MTPAP: variants seen among roughly 807,000 people sequenced by gnomAD.
MTPAP encodes poly(A) RNA polymerase, mitochondrial.
Under a neutral mutation model 48.7 loss-of-function variants are expected in MTPAP, and 23 were observed. The observed-to-expected ratio is 0.47, with a 90% CI of 0.34 to 0.67. The LOEUF (loss-of-function observed/expected upper bound fraction) is 0.67, where lower values mean the gene tolerates loss of function less well. MTPAP is among the 30% of genes least tolerant of loss of function. The pLI is 0.01. For synonymous variants in MTPAP, 257 were observed against 254.1 expected (o/e 1.01, Z -0.11); for missense variants, 614 against 694.3 (o/e 0.88, Z 1.30).
At chr10:30,321,175 A>G (rs1176813337) in intron 6 of MTPAP, among the ~76,000 whole-genome samples, 1 of 152,194 alleles carries the variant, frequency 6.6e-6, no homozygotes, top group Non-Finnish European at 1.5e-5. Flanking sequence ...CAAAAGTGAG[A>G]TAAGTGACCA....
chr10:30,317,610 G>C (rs1588711950), intron 6 of MTPAP, among the ~76,000 whole-genome samples: 1 of 152,024 alleles, frequency 6.6e-6, no homozygotes, highest in African/African-American at 2.4e-5. Flanking sequence ...TCTCATCAAT[G>C]GCTACTTCCT....
In MTPAP at chr10:30,326,592, G is replaced by A; in HGVS notation, c.824C>T (p.Pro275Leu). 1 of 1,613,954 alleles carries A rather than the reference G, an allele frequency of 6.2e-7. No individual in the cohort carries two copies. The highest frequency in any genetic ancestry group is 1.1e-5 in the South Asian group (1 of 91,068). Reference sequence around the variant, plus strand: ...CTTCTGAGTTGCAATTCTTTCTGAAGGAACATTTTTCACTTGAAATTCCAT... The same window carrying A: ...CTTCTGAGTTGCAATTCTTTCTGAAAGAACATTTTTCACTTGAAATTCCAT... ...FLMEFQVKNV[P>L]SERIATQKIL... Residue 275 changes from proline (P) to leucine (L), a missense_variant, in exon 5 of 9, where the codon CCT becomes CTT. Pro to Leu is a moderately conservative substitution (Grantham distance 98). Coordinates refer to ENST00000263063, the MANE Select transcript of MTPAP (RefSeq NM_018109.4).
intron 5 of MTPAP, among the ~76,000 whole-genome samples, chr10:30,325,200 AG>A (rs1834569183): frequency 6.6e-6 from 1 of 152,228 alleles, no homozygotes; most frequent in African/African-American, 2.4e-5. Context: ...TAATAATGAT[AG>A]AAAGTACAGT....
rs568094149 is a variant in MTPAP at position 30,334,330 on chromosome 10, T to A, written c.780+2473A>T. 7.2e-5 allele frequency among the ~76,000 whole-genome samples: 11 copies of A among 152,256 alleles called. No homozygotes were observed. In the East Asian group the frequency reaches 1.7e-3, roughly 24 times the overall value. On this transcript the variant is annotated intron_variant, in intron 4 of 8. Coordinates refer to ENST00000263063, the MANE Select transcript of MTPAP (RefSeq NM_018109.4). ...AACAACTGTTTGATCATTATGATATTTACAAGTGCCTTCTATTACTGGAAA... is the reference window on the plus strand; with the variant it reads ...AACAACTGTTTGATCATTATGATATATACAAGTGCCTTCTATTACTGGAAA...
intron 4 of MTPAP, 56 bp downstream of exon 4, chr10:30,336,747 C>T: frequency 7.4e-7 from 1 of 1,359,670 alleles, no homozygotes; most frequent in Middle Eastern, 2.5e-4. Context: ...AAAGATTTTT[C>T]TTTTTATACT....
At chr10:30,340,774 C>T (rs1335422738) in intron 2 of MTPAP, among the ~76,000 whole-genome samples, 1 of 151,950 alleles carries the variant, frequency 6.6e-6, no homozygotes, top group African/African-American at 2.4e-5. Flanking sequence ...CAAAAATTAG[C>T]CAGGCGTGGT....
At chr10:30,328,574 T>C (rs1029120096) in intron 4 of MTPAP, among the ~76,000 whole-genome samples, 13 of 152,232 alleles carry the variant, frequency 8.5e-5, no homozygotes, top group African/African-American at 3.1e-4. Flanking sequence ...TTCCCTCTTC[T>C]AGAATTCATT....
At chr10:30,333,933 T>A (rs968925031) in intron 4 of MTPAP, among the ~76,000 whole-genome samples, 1 of 152,068 alleles carries the variant, frequency 6.6e-6, no homozygotes, top group African/African-American at 2.4e-5. Context: ...ATTATTATAA[T>A]AAAACTGACC....
chr10:30,337,009 T>A lies in MTPAP; in HGVS notation c.574A>T (p.Thr192Ser). ...GTTAGCTGGAACTCCTTCAAGAGAG[T>A]GTTCAGCTGATCGTCTATCTAGCTA... is the stretch of plus-strand genomic sequence containing the variant. ...YAESIDDQLNTLLKEFQLTEE... is the reference protein window; with the variant it reads ...YAESIDDQLNSLLKEFQLTEE... Residue 192 changes from threonine to serine, a missense_variant, in exon 4 of 9, where the codon ACT becomes TCT. Physicochemically the swap from Thr to Ser is moderately conservative, Grantham distance 58. Around this residue, in one of 5 missense-constraint regions of MTPAP, gnomAD observed 114 missense variants for 107.9 expected, o/e 1.06. Transcript: ENST00000263063. 1 of 1,613,034 alleles carries A rather than the reference T, an allele frequency of 6.2e-7. No individual in the cohort carries two copies. The highest frequency in any genetic ancestry group is 8.5e-7 in the Non-Finnish European group (1 of 1,179,788).
chr10:30,315,933 C>A, intron 8 of MTPAP, 30 bp downstream of exon 8: 1 of 1,531,518 alleles, frequency 6.5e-7, no homozygotes, highest in East Asian at 2.3e-5. Context: ...AGACCAGATA[C>A]TAATAACTAA....
intron 3 of MTPAP, among the ~76,000 whole-genome samples, chr10:30,338,919 C>T (rs1357135340): frequency 2.6e-5 from 4 of 151,434 alleles, no homozygotes; most frequent in African/African-American, 7.3e-5. Context: ...GTCAGGAGAT[C>T]GAGACCATCC....
chr10:30,328,819 CA>C (rs1834629302), intron 4 of MTPAP, among the ~76,000 whole-genome samples: 1 of 151,934 alleles, frequency 6.6e-6, no homozygotes, highest in Admixed American at 6.6e-5. Flanking sequence ...CATATTTACA[CA>C]AGCATGAAAA....
In MTPAP at chr10:30,326,430, T is replaced by C. The variant is rs1369102837; in HGVS notation, c.986A>G (p.Asn329Ser). ...ASGFQCDLTT[N>S]NRIALTSSEL... Reference sequence around the variant, plus strand: ...TAAATGTAAGCGGTCATACCTATTGTTCGTAGTCAAATCACACTGAAATCC... The same window carrying C: ...TAAATGTAAGCGGTCATACCTATTGCTCGTAGTCAAATCACACTGAAATCC... The change falls in exon 5 of 9, where the codon AAC (asparagine) becomes AGC (serine). Residue 329 changes from asparagine (N) to serine (S), a missense_variant. Coordinates refer to ENST00000263063, the MANE Select transcript of MTPAP (RefSeq NM_018109.4). 1.9e-6 allele frequency: 3 copies of C among 1,613,248 alleles called. No individual in the cohort carries two copies. The highest frequency in any genetic ancestry group is 1.7e-5 in the Admixed American group (1 of 60,002).
chr10:30,338,855 G>A (rs1187649867), intron 3 of MTPAP, among the ~76,000 whole-genome samples: 1 of 152,106 alleles, frequency 6.6e-6, no homozygotes, highest in Non-Finnish European at 1.5e-5. Context: ...CAGGTGCAGT[G>A]GCTCACGCCT....
chr10:30,340,551 A>G, intron 2 of MTPAP, 101 bp from the exon 3 acceptor site: 1 of 880,064 alleles, frequency 1.1e-6, no homozygotes, highest in African/African-American at 1.7e-5. Context: ...GCTACAAAAT[A>G]TCAAGTCTTT....
rs568521685 is a variant in MTPAP, at chr10:30,321,253, T to C, written c.1219+1138A>G. On this transcript the variant is annotated intron_variant, in intron 6 of 8. Transcript: ENST00000263063. Reference sequence around the variant, plus strand: ...TCAAATCTAGCTTTATTTTATTTTATTTTATTTCATTTTACTTTATTTCTT... The same window carrying C: ...TCAAATCTAGCTTTATTTTATTTTACTTTATTTCATTTTACTTTATTTCTT... Among the ~76,000 whole-genome samples, 3 of 152,350 alleles carry C rather than the reference T, an allele frequency of 2.0e-5. No homozygotes were observed. In the South Asian group the frequency reaches 6.2e-4, roughly 32 times the overall value.
rs1383325747 is a variant in MTPAP, at chr10:30,311,417, T to C, written c.*2192A>G. On this transcript the variant is annotated 3_prime_UTR_variant, in exon 9 of 9. Coordinates refer to ENST00000263063, the MANE Select transcript of MTPAP (RefSeq NM_018109.4). ...GAAAAATTTTTAAAGTACTACAAAC[T>C]CTAAATCTGAATTTTGAGTAGCAAA... 2 of 152,112 alleles carry C rather than the reference T, an allele frequency of 1.3e-5. No individual in the cohort carries two copies. The highest frequency in any genetic ancestry group is 2.4e-5 in the African/African-American group (1 of 41,426). 9.4% of individuals were successfully genotyped at this position (152,112 alleles called of 1,614,324 possible).
At chr10:30,332,890 G>C (rs1031823098) in intron 4 of MTPAP, among the ~76,000 whole-genome samples, 2 of 152,058 alleles carry the variant, frequency 1.3e-5, no homozygotes, top group African/African-American at 2.4e-5. Context: ...GGGAGGCAGA[G>C]GCAGGCAGAT....
chr10:30,348,843 A>G (rs1311141815), intron 1 of MTPAP: 2 of 502,124 alleles, frequency 4.0e-6, no homozygotes, highest in African/African-American at 1.9e-5. Flanking sequence ...GTGCAAGCAA[A>G]CTGGGTTCCT....
Sources: gnomAD v4.1 joint callset for allele counts (sites outside exome capture counted in the v4.1 genomes callset) on GRCh38, gnomAD v4.1.1 for gene constraint, gnomAD v4.1.1 regional missense constraint, MANE v1.5 for transcripts, NCBI Gene and HGNC (gene_info 2026-07-23, HGNC 2026-07-21) for gene names.